The following SYNC variants were observed in gnomAD, a reference collection of about 807,000 sequenced individuals.
SYNC encodes the protein syncoilin.
Under a neutral mutation model 49.5 loss-of-function variants are expected in SYNC, and 38 were observed. The observed-to-expected ratio is 0.77, with a 90% CI of 0.59 to 1.01. The LOEUF (loss-of-function observed/expected upper bound fraction) is 1.01. SYNC is among the 50% of genes least tolerant of loss of function. The pLI is 0.00. For missense variants in SYNC, 579 were observed against 580.6 expected (o/e 1.00, Z 0.03); for synonymous variants, 201 against 230.8 (o/e 0.87, Z 1.17).
intron 1 of SYNC, among the ~76,000 whole-genome samples, chr1:32,699,688 G>A (rs1363776377): frequency 2.0e-5 from 3 of 150,646 alleles, no homozygotes; most frequent in Admixed American, 6.6e-5. Context: ...AAATTGCTAC[G>A]CATGGTTTCA....
intron 1 of SYNC, among the ~76,000 whole-genome samples, chr1:32,696,249 T>C (rs1279141913): frequency 1.3e-5 from 2 of 151,984 alleles, no homozygotes; most frequent in Admixed American, 1.3e-4. Context: ...CATCACCATA[T>C]GGTCTCTGCT....
At chr1:32,692,979 G>A (rs1361894240) in intron 2 of SYNC, among the ~76,000 whole-genome samples, 1 of 151,560 alleles carries the variant, frequency 6.6e-6, no homozygotes, top group Non-Finnish European at 1.5e-5. Context: ...CTCCAGCCTG[G>A]GTGAAAGAGC....
Position 32,691,409 on chromosome 1 carries a change from C to T in SYNC, c.1233+3456G>A, listed in dbSNP as rs930868753. On this transcript the variant is annotated intron_variant, in intron 2 of 4. Coordinates refer to ENST00000409190, the MANE Select transcript of SYNC (RefSeq NM_030786.3). ...ACTCCGACTAAAAAAAAATTAGCCA[C>T]GTCCATGGTGTTAGGCGCCTGTAAT... Among the ~76,000 whole-genome samples, 7 of 150,792 alleles carry T rather than the reference C, an allele frequency of 4.6e-5. No individual in the cohort carries two copies. The South Asian group carries it at 8.4e-4, about 18-fold the overall frequency.
At chr1:32,689,176 TC>T (rs1463493505) in intron 2 of SYNC, among the ~76,000 whole-genome samples, 3 of 141,524 alleles carry the variant, frequency 2.1e-5, no homozygotes, top group African/African-American at 7.7e-5. Flanking sequence ...TTTGACGTGA[TC>T]CGCCCGCCTC....
intron 3 of SYNC, 40 bp downstream of exon 3, chr1:32,684,218 G>A (rs766329646): frequency 6.2e-7 from 1 of 1,611,306 alleles, no homozygotes. Flanking sequence ...CATCCCCTCA[G>A]CCAGTATTAG....
chr1:32,680,078 G>C lies in SYNC; in HGVS notation c.*1772C>G. On this transcript the variant is annotated 3_prime_UTR_variant, in exon 5 of 5. Coordinates refer to ENST00000409190, the MANE Select transcript of SYNC (RefSeq NM_030786.3). ...AGAGCCAAATGAGGTAGGTGTCTGA[G>C]CCATGAAGTATAAATACTGAAAGAT... 1 of 1,070,336 alleles carries C rather than the reference G, an allele frequency of 9.3e-7. No individual in the cohort carries two copies. The highest frequency in any genetic ancestry group is 1.1e-6 in the Non-Finnish European group (1 of 886,004). The allele number at this position is 1,070,336 out of a possible 1,614,324, so 66.3% of individuals were successfully genotyped here.
chr1:32,696,216 A>G (rs1650421102), intron 1 of SYNC, among the ~76,000 whole-genome samples, 172 bp from the exon 2 acceptor site: 4 of 151,884 alleles, frequency 2.6e-5, no homozygotes, highest in African/African-American at 4.8e-5. Flanking sequence ...CACGGTGTAG[A>G]TCCCCTGCCA....
chr1:32,686,600 T>C (rs1649848132), intron 2 of SYNC, among the ~76,000 whole-genome samples: 1 of 152,132 alleles, frequency 6.6e-6, no homozygotes, highest in African/African-American at 2.4e-5. Context: ...ACTAAGGATA[T>C]CGGGAAACTT....
intron 2 of SYNC, among the ~76,000 whole-genome samples, chr1:32,689,939 C>CA (rs11320062): frequency 0.013 from 1,328 of 100,606 alleles, 24 homozygotes; most frequent in East Asian, 0.042. Context: ...GACACCGTCA[C>CA]AAAAAAAAAA....
At chr1:32,700,563 GGT>G (rs1650627196) in intron 1 of SYNC, among the ~76,000 whole-genome samples, 1 of 152,142 alleles carries the variant, frequency 6.6e-6, no homozygotes, top group African/African-American at 2.4e-5. Flanking sequence ...TGGGTATGGT[GGT>G]GTGTGCCTGT....
Position 32,680,648 on chromosome 1 carries a change from A to G in SYNC, c.*1202T>C. ...TTAAAATGGAATAAATTGCTTTTCT[A>G]CATAACCCCATGCTGATGGGTTTTA... On this transcript the variant is annotated 3_prime_UTR_variant, in exon 5 of 5. Coordinates refer to ENST00000409190, the MANE Select transcript of SYNC (RefSeq NM_030786.3). 2 of 1,114,926 alleles carry G rather than the reference A, an allele frequency of 1.8e-6. No homozygotes were observed. Among genetic ancestry groups the G allele is most frequent in the Non-Finnish European group, 1.3e-6 (1 of 770,230 alleles). The allele number at this position is 1,114,926 out of a possible 1,614,324, so 69.1% of individuals were successfully genotyped here.
chr1:32,681,898 T>G, intron 4 of SYNC, 38 bp from the exon 5 acceptor site: 3 of 1,584,694 alleles, frequency 1.9e-6, no homozygotes, highest in Non-Finnish European at 2.6e-6. Flanking sequence ...ACAGTGAACT[T>G]CTGAGGTTTA....
chr1:32,684,238 G>C lies in SYNC; in HGVS notation c.1358+20C>G. On this transcript the variant is annotated intron_variant, in intron 3 of 4. Coordinates refer to ENST00000409190, the MANE Select transcript of SYNC (RefSeq NM_030786.3). The stretch of plus-strand genomic sequence containing the variant: ...CCTCAGCCAGTATTAGATGAGATTT[G>C]TATAGCAGCAGAAACTGACTTATAA... The C allele has an allele frequency of 6.2e-7, 1 of 1,614,130 alleles. No individual in the cohort carries two copies.
At chr1:32,685,288 A>C (rs1649748156) in intron 2 of SYNC, 1 of 152,192 alleles carries the variant, frequency 6.6e-6, no homozygotes. Context: ...TGCATTCTGT[A>C]AATTTTCCCT....
intron 2 of SYNC, among the ~76,000 whole-genome samples, chr1:32,687,595 C>T (rs1649917485): frequency 6.6e-6 from 1 of 151,294 alleles, no homozygotes; most frequent in Non-Finnish European, 1.5e-5. Flanking sequence ...TGACTTGAAC[C>T]CGGGAGGCAA....
chr1:32,696,320 ATT>A (rs564326114), intron 1 of SYNC, among the ~76,000 whole-genome samples: 252 of 147,060 alleles, frequency 1.7e-3, no homozygotes, highest in African/African-American at 5.9e-3. Context: ...AATTATAATA[ATT>A]TTTTTTTTTT....
chr1:32,686,330 TCCTGCCAC>T (rs1649827909), intron 2 of SYNC: 1 of 152,234 alleles, frequency 6.6e-6, no homozygotes, highest in African/African-American at 2.4e-5. Flanking sequence ...GTGCCTGTGT[TCCTGCCAC>T]TTTTTTCACC....
chr1:32,683,986 C>T (rs113064014), intron 4 of SYNC, 24 bp downstream of exon 4: 17 of 1,606,742 alleles, frequency 1.1e-5, no homozygotes, highest in African/African-American at 9.4e-5. Context: ...ATGCAAACAC[C>T]ACTCTTCTCT....
At chr1:32,687,861 A>ATTTTTTTTTTTTTTTTTT (rs989517086) in intron 2 of SYNC, among the ~76,000 whole-genome samples, 2 of 146,440 alleles carry the variant, frequency 1.4e-5, no homozygotes, top group Admixed American at 6.9e-5. Context: ...TATTATTATT[A>ATTTTTTTTTTTTTTTTTT]TTTTTTGAGA....
Sources: allele counts gnomAD v4.1 joint callset (sites outside exome capture counted in the v4.1 genomes callset), GRCh38; gene constraint gnomAD v4.1.1; transcripts MANE v1.5; gene names NCBI Gene and HGNC (gene_info 2026-07-23, HGNC 2026-07-21).